Variants in CSGALNACT1 observed in about 807,000 individuals in gnomAD.
The protein encoded by CSGALNACT1 is beta4GalNAcT-1.
Under a neutral mutation model 51.0 loss-of-function variants are expected in CSGALNACT1, and 52 were observed. That is an observed-to-expected ratio of 1.02 (90% CI 0.82 to 1.29). CSGALNACT1 has a LOEUF of 1.29. Ranked by LOEUF, CSGALNACT1 falls within the 50% of genes most tolerant of loss-of-function variation. CSGALNACT1 has a pLI of 0.00. For missense variants in CSGALNACT1, 935 were observed against 679.2 expected (o/e 1.38, Z -4.19); for synonymous variants, 341 against 254.4 (o/e 1.34, Z -3.24).
chr8:19,614,698 T>C (rs1175117431), intron 1 of CSGALNACT1, among the ~76,000 whole-genome samples: 1 of 152,204 alleles, frequency 6.6e-6, no homozygotes. Context: ...TAAACTCTGA[T>C]CAGAGAAGGT....
At chr8:19,560,492 C>G (rs982871032) in intron 3 of CSGALNACT1, among the ~76,000 whole-genome samples, 9 of 152,070 alleles carry the variant, frequency 5.9e-5, no homozygotes, top group African/African-American at 1.9e-4. Flanking sequence ...CATGTATAAC[C>G]AACAGAAGAC....
At chr8:19,706,191 A>T (rs1230767227) in intron 1 of CSGALNACT1, among the ~76,000 whole-genome samples, 1 of 152,208 alleles carries the variant, frequency 6.6e-6, no homozygotes, top group Non-Finnish European at 1.5e-5. Context: ...GAACTCACCA[A>T]GCCTTCCCCA....
chr8:19,587,206 C>T (rs2154129254), intron 3 of CSGALNACT1, among the ~76,000 whole-genome samples: 1 of 152,302 alleles, frequency 6.6e-6, no homozygotes, highest in South Asian at 2.1e-4. Context: ...AGGTAACTGG[C>T]ACTGCCCAAG....
chr8:19,408,727 G>T, intron 8 of CSGALNACT1, 33 bp from the exon 8 acceptor site: 2 of 1,597,286 alleles, frequency 1.3e-6, no homozygotes, highest in Non-Finnish European at 1.7e-6. Flanking sequence ...TGAGGGGAAA[G>T]TTTAGGGTGG....
chr8:19,640,171 CTTA>C (rs1342662490), intron 1 of CSGALNACT1, among the ~76,000 whole-genome samples: 1 of 152,160 alleles, frequency 6.6e-6, no homozygotes, highest in Non-Finnish European at 1.5e-5. Flanking sequence ...GAGCAAATAG[CTTA>C]TTAACATCTC....
At chr8:19,555,875 A>C (rs2089591346) in intron 3 of CSGALNACT1, among the ~76,000 whole-genome samples, 1 of 152,222 alleles carries the variant, frequency 6.6e-6, no homozygotes. Context: ...CCAACTCCAC[A>C]CATTCATCCC....
At chr8:19,445,147 C>T (rs2061913449) in intron 5 of CSGALNACT1, among the ~76,000 whole-genome samples, 1 of 152,134 alleles carries the variant, frequency 6.6e-6, no homozygotes, top group South Asian at 2.1e-4. Flanking sequence ...AGCCACAGTC[C>T]CTGCAGACTG....
intron 1 of CSGALNACT1, among the ~76,000 whole-genome samples, chr8:19,702,045 C>T (rs1472497040): frequency 6.6e-6 from 1 of 152,172 alleles, no homozygotes; most frequent in African/African-American, 2.4e-5. Context: ...ATTTGATTGG[C>T]TTCATAAGTG....
chr8:19,527,103 G>A (rs891689470), intron 3 of CSGALNACT1, among the ~76,000 whole-genome samples: 1 of 152,144 alleles, frequency 6.6e-6, no homozygotes, highest in African/African-American at 2.4e-5. Flanking sequence ...CAGCATTCTT[G>A]ACCTTAAGGA....
chr8:19,657,282 C>CTGAAAGATAAACTGAAAGATAAAA, intron 1 of CSGALNACT1, among the ~76,000 whole-genome samples: 1 of 150,896 alleles, frequency 6.6e-6, no homozygotes, highest in South Asian at 2.1e-4. Context: ...GAAAGATAAA[C>CTGAAAGATAAACTGAAAGATAAAA]TGAAAGATAA....
At chr8:19,663,696 G>C (rs1193421049) in intron 1 of CSGALNACT1, among the ~76,000 whole-genome samples, 1 of 152,212 alleles carries the variant, frequency 6.6e-6, no homozygotes, top group Non-Finnish European at 1.5e-5. Flanking sequence ...CATACTTAAA[G>C]AGACAAATGT....
At chr8:19,491,087 A>G (rs974086428) in intron 4 of CSGALNACT1, among the ~76,000 whole-genome samples, 1 of 22,560 alleles carries the variant, frequency 4.4e-5, no homozygotes, top group Non-Finnish European at 9.9e-5. Context: ...CCACTCAGGA[A>G]AAAAAAAAAA....
intron 1 of CSGALNACT1, among the ~76,000 whole-genome samples, chr8:19,629,449 T>C (rs1438597728): frequency 1.3e-5 from 2 of 152,238 alleles, no homozygotes; most frequent in African/African-American, 2.4e-5. Flanking sequence ...CTGTTCCCAT[T>C]TCATAGATAT....
intron 3 of CSGALNACT1, among the ~76,000 whole-genome samples, chr8:19,552,502 G>C (rs997785243): frequency 2.0e-5 from 3 of 151,474 alleles, no homozygotes; most frequent in Admixed American, 6.6e-5. Flanking sequence ...TCTTTTTTTT[G>C]TCTAATAGAA....
At chr8:19,703,896 C>T (rs766475445) in intron 1 of CSGALNACT1, among the ~76,000 whole-genome samples, 2 of 152,286 alleles carry the variant, frequency 1.3e-5, no homozygotes, top group South Asian at 2.1e-4. Context: ...TTATCCTACA[C>T]GCAGCTCTCA....
intron 3 of CSGALNACT1, among the ~76,000 whole-genome samples, chr8:19,580,986 A>G (rs1277955901): frequency 6.6e-6 from 1 of 152,222 alleles, no homozygotes; most frequent in Admixed American, 6.5e-5. Flanking sequence ...TGAAAATATG[A>G]GAAACAGCTT....
At chr8:19,579,584 G>C (rs1264847769) in intron 3 of CSGALNACT1, among the ~76,000 whole-genome samples, 1 of 152,158 alleles carries the variant, frequency 6.6e-6, no homozygotes, top group Non-Finnish European at 1.5e-5. Flanking sequence ...ATAGGTATTT[G>C]TCTCTACCAT....
At chr8:19,557,892 T>C (rs2039826478) in intron 3 of CSGALNACT1, among the ~76,000 whole-genome samples, 1 of 152,212 alleles carries the variant, frequency 6.6e-6, no homozygotes, top group Admixed American at 6.5e-5. Flanking sequence ...CGTGGTAGCT[T>C]TTCAAGAAAC....
At chr8:19,734,019 C>G (rs559751428) in intron 1 of CSGALNACT1, among the ~76,000 whole-genome samples, 1 of 152,274 alleles carries the variant, frequency 6.6e-6, no homozygotes, top group South Asian at 2.1e-4. Flanking sequence ...TATCTGTTCA[C>G]CCCCCAACAA....
Sources: gnomAD v4.1 joint callset for allele counts (sites outside exome capture counted in the v4.1 genomes callset) on GRCh38, gnomAD v4.1.1 for gene constraint, MANE v1.5 for transcripts, NCBI Gene and HGNC (gene_info 2026-07-23, HGNC 2026-07-21) for gene names.